The following VTI1A variants were observed in gnomAD, a reference collection of about 807,000 sequenced individuals.
VTI1A encodes vesicle transport through interaction with t-SNAREs 1A.
VTI1A carries 22 observed loss-of-function variants against 34.9 expected under a neutral mutation model. The observed-to-expected ratio is 0.63, with a 90% CI of 0.45 to 0.90. The LOEUF is 0.90. Among genes scored for constraint, VTI1A ranks in the 40% least tolerant of loss-of-function variants. The pLI, the probability that VTI1A is intolerant of heterozygous loss-of-function variation, is 0.00. For synonymous variants in VTI1A, 87 were observed against 97.3 expected, an observed-to-expected ratio of 0.89 and a Z score of 0.62; for missense variants, 268 against 275.6, an observed-to-expected ratio of 0.97 and a Z score of 0.20.
At chr10:112,607,327 T>A (rs530313688) in intron 5 of VTI1A, among the ~76,000 whole-genome samples, 82 of 150,132 alleles carry the variant, frequency 5.5e-4, no homozygotes, top group African/African-American at 1.9e-3. Flanking sequence ...AGAGATTGAG[T>A]GGCTGTCCAA....
chr10:112,543,128 C>T (rs1446395347), intron 5 of VTI1A, among the ~76,000 whole-genome samples: 1 of 152,206 alleles, frequency 6.6e-6, no homozygotes, highest in African/African-American at 2.4e-5. Flanking sequence ...AATAGTGCTG[C>T]AATGAACATA....
chr10:112,600,675 G>A (rs866262129), intron 5 of VTI1A, among the ~76,000 whole-genome samples: 1 of 152,024 alleles, frequency 6.6e-6, no homozygotes, highest in African/African-American at 2.4e-5. Context: ...TTCTTCCCAC[G>A]AGAATGAAAA....
At chr10:112,697,621 C>T (rs563239909) in intron 7 of VTI1A, among the ~76,000 whole-genome samples, 1 of 152,136 alleles carries the variant, frequency 6.6e-6, no homozygotes, top group South Asian at 2.1e-4. Flanking sequence ...ATATCGAACT[C>T]CTGACCTCAG....
At chr10:112,744,817 C>A (rs1204584913) in intron 7 of VTI1A, among the ~76,000 whole-genome samples, 2 of 152,138 alleles carry the variant, frequency 1.3e-5, no homozygotes, top group Non-Finnish European at 2.9e-5. Flanking sequence ...TTACTAGAAG[C>A]CAGCTACATT....
At chr10:112,487,610 G>T (rs951645613) in intron 3 of VTI1A, among the ~76,000 whole-genome samples, 9 of 152,070 alleles carry the variant, frequency 5.9e-5, no homozygotes, top group Admixed American at 4.6e-4. Context: ...ATGTACAGTT[G>T]CTTCACTTAC....
At chr10:112,749,432 C>G (rs1247319158) in intron 7 of VTI1A, among the ~76,000 whole-genome samples, 3 of 152,218 alleles carry the variant, frequency 2.0e-5, no homozygotes, top group Admixed American at 1.3e-4. Flanking sequence ...TACAATACAT[C>G]TGAATTCAGA....
intron 7 of VTI1A, among the ~76,000 whole-genome samples, chr10:112,768,433 TC>T (rs1006187689): frequency 3.9e-5 from 6 of 152,180 alleles, no homozygotes; most frequent in African/African-American, 1.4e-4. Context: ...ATGATGCAAT[TC>T]CTGGAGCAAC....
chr10:112,548,693 ACTG>A lies in VTI1A; in HGVS notation c.427+10366_427+10368del, dbSNP rs1589889903. 2.4e-6 allele frequency: 3 copies of A among 1,266,274 alleles called. No homozygotes were observed. The East Asian group carries it at 7.0e-5, about 29-fold the overall frequency. 78.4% of individuals were successfully genotyped at this position (1,266,274 alleles called of 1,614,324 possible). A position where few individuals can be genotyped will look rare whatever the true frequency, so the allele number is the denominator to read the frequency against. Reference sequence around the variant, plus strand: ...GCCAGCTCCAGCAGCCTTCTTGTCCACTGCTTTGATGACACCCACAGCAACTGT... The same window carrying A: ...GCCAGCTCCAGCAGCCTTCTTGTCCACTTTGATGACACCCACAGCAACTGT... On this transcript the variant is annotated intron_variant, in intron 5 of 7. Transcript: ENST00000393077.
chr10:112,545,367 C>G (rs1338488726), intron 5 of VTI1A, among the ~76,000 whole-genome samples: 1 of 152,052 alleles, frequency 6.6e-6, no homozygotes, highest in African/African-American at 2.4e-5. Flanking sequence ...GGCTGAAAGC[C>G]AAGTTTATGA....
chr10:112,712,614 C>T (rs190924135), intron 7 of VTI1A, among the ~76,000 whole-genome samples: 3 of 152,120 alleles, frequency 2.0e-5, no homozygotes, highest in African/African-American at 4.8e-5. Flanking sequence ...TAAGAGAGGC[C>T]TTTCCCTTCC....
At chr10:112,496,086 G>C (rs1393325305) in intron 3 of VTI1A, among the ~76,000 whole-genome samples, 1 of 150,308 alleles carries the variant, frequency 6.7e-6, no homozygotes, top group African/African-American at 2.5e-5. Context: ...GGCCAGGTGC[G>C]ATGGCTCACG....
chr10:112,643,839 A>G (rs1229690760), intron 5 of VTI1A, among the ~76,000 whole-genome samples: 4 of 152,240 alleles, frequency 2.6e-5, no homozygotes, highest in African/African-American at 7.2e-5. Flanking sequence ...TTGCATAGCT[A>G]GAAAGAAAGG....
intron 7 of VTI1A, among the ~76,000 whole-genome samples, chr10:112,812,024 A>C (rs929293981): frequency 6.6e-6 from 1 of 152,226 alleles, no homozygotes; most frequent in African/African-American, 2.4e-5. Context: ...ATCTTGTATC[A>C]ACAGCACTGT....
At chr10:112,469,884 T>G (rs1589802587) in intron 3 of VTI1A, among the ~76,000 whole-genome samples, 1 of 152,340 alleles carries the variant, frequency 6.6e-6, no homozygotes. Flanking sequence ...CTATGTTTGA[T>G]GATGCATCCC....
chr10:112,624,734 C>T (rs183119041), intron 5 of VTI1A, among the ~76,000 whole-genome samples: 8 of 152,100 alleles, frequency 5.3e-5, no homozygotes, highest in Admixed American at 1.3e-4. Flanking sequence ...TGGCAGTTTC[C>T]GATATGTTTT....
intron 7 of VTI1A, among the ~76,000 whole-genome samples, chr10:112,712,126 C>T (rs1382558458): frequency 6.6e-6 from 1 of 152,128 alleles, no homozygotes; most frequent in Non-Finnish European, 1.5e-5. Flanking sequence ...CTGTTCATGA[C>T]CTATATGCTG....
intron 5 of VTI1A, chr10:112,548,794 A>G: frequency 6.7e-7 from 1 of 1,496,870 alleles, no homozygotes; most frequent in Non-Finnish European, 9.0e-7. Context: ...CTTGCCAGGA[A>G]CCATACCAAC....
intron 5 of VTI1A, among the ~76,000 whole-genome samples, chr10:112,618,478 A>G: frequency 7.7e-6 from 1 of 129,368 alleles, no homozygotes; most frequent in Non-Finnish European, 1.6e-5. Flanking sequence ...TGAAATATAC[A>G]AATGATTATA....
At chr10:112,572,755 C>A (rs1323916109) in intron 5 of VTI1A, among the ~76,000 whole-genome samples, 1 of 150,700 alleles carries the variant, frequency 6.6e-6, no homozygotes, top group Non-Finnish European at 1.5e-5. Context: ...AGGAGAACGG[C>A]GTGAACCCGG....
Sources: allele counts gnomAD v4.1 joint callset (sites outside exome capture counted in the v4.1 genomes callset), GRCh38; gene constraint gnomAD v4.1.1; transcripts MANE v1.5; gene names NCBI Gene and HGNC (gene_info 2026-07-23, HGNC 2026-07-21).